The following LRFN2 variants were observed in gnomAD, a reference collection of about 807,000 sequenced individuals.
LRFN2 encodes the protein leucine-rich repeat and fibronectin type-III domain-containing protein 2.
Under a neutral mutation model 37.3 loss-of-function variants are expected in LRFN2, and 18 were observed. The ratio of observed to expected loss-of-function variants is 0.48; its 90% confidence interval spans 0.33 to 0.72. The LOEUF is 0.72. Among genes scored for constraint, LRFN2 ranks in the 30% least tolerant of loss-of-function variants. The pLI is 0.02. For synonymous variants in LRFN2, 556 were observed against 466.6 expected, an observed-to-expected ratio of 1.19 and a Z score of -2.47; for missense variants, 1,006 against 1,060.7, an observed-to-expected ratio of 0.95 and a Z score of 0.72.
intron 1 of LRFN2, among the ~76,000 whole-genome samples, chr6:40,473,251 C>G (rs1488941819): frequency 5.3e-5 from 8 of 152,178 alleles, no homozygotes; most frequent in Non-Finnish European, 1.0e-4. Flanking sequence ...TGTGAAGCGT[C>G]TCAGGTAGCA....
chr6:40,487,197 C>T (rs9296340), intron 1 of LRFN2, among the ~76,000 whole-genome samples: 7,387 of 152,260 alleles, frequency 0.049, 544 homozygotes, highest in African/African-American at 0.16. Context: ...GTCTCTTTTG[C>T]TGGTCTTTCA....
rs73734648 is a variant in LRFN2, at chr6:40,393,044, G to A, written c.1401-132C>T. ...GGGGAGGGAGGCCAAGACAGACACGGGGACACAGAGAGAATGGGGCAGAGG... is the reference window on the plus strand; with the variant it reads ...GGGGAGGGAGGCCAAGACAGACACGAGGACACAGAGAGAATGGGGCAGAGG... On this transcript the variant is annotated intron_variant, in intron 2 of 2. Transcript: ENST00000338305. 4.4e-3 allele frequency: 3,255 copies of A among 745,142 alleles called. 130 individuals are homozygous for A. In the African/African-American group the frequency reaches 0.052, roughly 12 times the overall value. The allele number at this position is 745,142 out of a possible 1,614,324, so 46.2% of individuals were successfully genotyped here.
intron 2 of LRFN2, among the ~76,000 whole-genome samples, chr6:40,430,912 G>A (rs1394330611): frequency 6.6e-6 from 1 of 152,140 alleles, no homozygotes; most frequent in East Asian, 1.9e-4. Context: ...CTGCTTAGAG[G>A]ACCCAGCAGA....
chr6:40,542,728 G>A (rs1242753650), intron 1 of LRFN2, among the ~76,000 whole-genome samples: 1 of 152,174 alleles, frequency 6.6e-6, no homozygotes, highest in African/African-American at 2.4e-5. Flanking sequence ...ATTTGGCCCT[G>A]CTACCTCTCC....
In LRFN2 at chr6:40,550,189, G is replaced by A. The variant is rs140676198; in HGVS notation, c.-19+36752C>T. Among the ~76,000 whole-genome samples the A allele has an allele frequency of 5.1e-3, 778 of 152,248 alleles. 8 individuals carry two copies. Among genetic ancestry groups the A allele is most frequent in the Middle Eastern group, 0.031 (9 of 294 alleles). On this transcript the variant is annotated intron_variant, in intron 1 of 2. Transcript: ENST00000338305. ...CTAAGGCAAAGAGGACCCCCTAGGAGGTACAGCCCAATATGGAGGCCGAAG... is the reference window on the plus strand; with the variant it reads ...CTAAGGCAAAGAGGACCCCCTAGGAAGTACAGCCCAATATGGAGGCCGAAG...
At chr6:40,470,803 C>A (rs930313992) in intron 1 of LRFN2, among the ~76,000 whole-genome samples, 1 of 152,184 alleles carries the variant, frequency 6.6e-6, no homozygotes, top group East Asian at 1.9e-4. Context: ...AACACAGGCA[C>A]CTGCTGGGCC....
intron 2 of LRFN2, among the ~76,000 whole-genome samples, chr6:40,406,843 C>T (rs1762859290): frequency 6.6e-6 from 1 of 152,236 alleles, no homozygotes; most frequent in African/African-American, 2.4e-5. Context: ...TTCCTCATAG[C>T]ACAGTTTCTA....
At chr6:40,562,433 AG>A (rs548152846) in intron 1 of LRFN2, among the ~76,000 whole-genome samples, 291 of 151,196 alleles carry the variant, frequency 1.9e-3, no homozygotes, top group Admixed American at 3.8e-3. Flanking sequence ...AGTACGGTAC[AG>A]GGGGAGGGCA....
At chr6:40,401,382 C>A (rs376570743) in intron 2 of LRFN2, among the ~76,000 whole-genome samples, 80 of 152,262 alleles carry the variant, frequency 5.3e-4, no homozygotes, top group African/African-American at 1.8e-3. Flanking sequence ...GTGCCTTCCC[C>A]ACACTCCCTT....
chr6:40,559,055 GA>G (rs1766943371), intron 1 of LRFN2, among the ~76,000 whole-genome samples: 1 of 152,048 alleles, frequency 6.6e-6, no homozygotes, highest in African/African-American at 2.4e-5. Context: ...GGATCAAACG[GA>G]GGGGGCATGG....
chr6:40,576,062 T>C (rs1365632797), intron 1 of LRFN2, among the ~76,000 whole-genome samples: 3 of 152,196 alleles, frequency 2.0e-5, no homozygotes, highest in Non-Finnish European at 4.4e-5. Context: ...GGTCATTCCA[T>C]TAGCCTTCCT....
At chr6:40,445,086 G>T (rs559462501) in intron 1 of LRFN2, among the ~76,000 whole-genome samples, 1 of 152,142 alleles carries the variant, frequency 6.6e-6, no homozygotes, top group Non-Finnish European at 1.5e-5. Flanking sequence ...CCAGCCCCAC[G>T]TGGGCATGCA....
intron 1 of LRFN2, among the ~76,000 whole-genome samples, chr6:40,535,211 C>T (rs1033786669): frequency 6.6e-6 from 1 of 152,180 alleles, no homozygotes; most frequent in African/African-American, 2.4e-5. Context: ...GGGTCTCAGC[C>T]ACCTCGCCTG....
chr6:40,447,660 T>C (rs1764003080), intron 1 of LRFN2, among the ~76,000 whole-genome samples: 1 of 152,262 alleles, frequency 6.6e-6, no homozygotes, highest in Non-Finnish European at 1.5e-5. Flanking sequence ...GATTCTATGG[T>C]AAGCATTTTC....
At chr6:40,419,813 C>T (rs942954977) in intron 2 of LRFN2, among the ~76,000 whole-genome samples, 3 of 152,150 alleles carry the variant, frequency 2.0e-5, no homozygotes, top group Non-Finnish European at 2.9e-5. Flanking sequence ...TCTCATAGCC[C>T]CCCAGAATAT....
At chr6:40,569,655 G>C (rs1767152234) in intron 1 of LRFN2, among the ~76,000 whole-genome samples, 1 of 152,164 alleles carries the variant, frequency 6.6e-6, no homozygotes, top group Non-Finnish European at 1.5e-5. Context: ...TCATCTGCCT[G>C]GTTCAAGCCT....
At chr6:40,562,834 C>CA (rs145385693) in intron 1 of LRFN2, among the ~76,000 whole-genome samples, 4 of 98,058 alleles carry the variant, frequency 4.1e-5, no homozygotes, top group African/African-American at 1.7e-4. Flanking sequence ...CGTGCACTCA[C>CA]TCACACACAC....
chr6:40,571,558 A>G (rs538815486), intron 1 of LRFN2, among the ~76,000 whole-genome samples: 1 of 152,192 alleles, frequency 6.6e-6, no homozygotes, highest in Non-Finnish European at 1.5e-5. Flanking sequence ...GTCCTCCCAA[A>G]GTAGCGGAAC....
intron 2 of LRFN2, among the ~76,000 whole-genome samples, chr6:40,398,587 C>A (rs1244419248): frequency 1.3e-5 from 2 of 151,754 alleles, no homozygotes; most frequent in South Asian, 2.1e-4. Flanking sequence ...ATGAAAAACA[C>A]GTCCCTGAAA....
Sources: gnomAD v4.1 joint callset for allele counts (sites outside exome capture counted in the v4.1 genomes callset) on GRCh38, gnomAD v4.1.1 for gene constraint, MANE v1.5 for transcripts, NCBI Gene and HGNC (gene_info 2026-07-23, HGNC 2026-07-21) for gene names.